Variants in ULK4 observed in about 807,000 individuals in gnomAD.
ULK4 encodes inactive serine/threonine-protein kinase ULK4.
Under a neutral mutation model 160.6 loss-of-function variants are expected in ULK4, and 133 were observed. The ratio of observed to expected loss-of-function variants is 0.83; its 90% CI spans 0.72 to 0.96. The LOEUF (loss-of-function observed/expected upper bound fraction) is 0.96. ULK4 is among the 40% of genes least tolerant of loss of function. ULK4 has a pLI of 0.00. For missense variants in ULK4, 1,580 were observed against 1,499.5 expected (o/e 1.05, Z -0.89); for synonymous variants, 534 against 539.8 (o/e 0.99, Z 0.15).
intron 31 of ULK4, among the ~76,000 whole-genome samples, chr3:41,580,238 C>T (rs1026118136): frequency 2.6e-5 from 4 of 152,078 alleles, no homozygotes; most frequent in African/African-American, 9.7e-5. Context: ...GGGTGCTGGT[C>T]TTTAGGAGAC....
chr3:41,450,146 C>T (rs1575236521), intron 34 of ULK4, among the ~76,000 whole-genome samples: 2 of 151,960 alleles, frequency 1.3e-5, no homozygotes, highest in Admixed American at 1.3e-4. Context: ...AAAAACTTAT[C>T]TAGAATATAT....
At chr3:41,720,177 C>T (rs917196107) in intron 22 of ULK4, among the ~76,000 whole-genome samples, 5 of 152,210 alleles carry the variant, frequency 3.3e-5, no homozygotes, top group African/African-American at 1.2e-4. Flanking sequence ...CTTAAAAATA[C>T]CTAAGGGCAA....
chr3:41,271,969 T>C (rs150522536), intron 35 of ULK4, among the ~76,000 whole-genome samples: 5,159 of 152,246 alleles, frequency 0.034, 134 homozygotes, highest in Non-Finnish European at 0.054. Context: ...CAGGCTGGAG[T>C]GCAGTGGCAT....
chr3:41,715,527 G>A lies in ULK4; in HGVS notation c.2497C>T (p.His833Tyr), dbSNP rs776834361. The change falls in exon 24 of 37, where the codon CAC (histidine) becomes TAC (tyrosine). Residue 833 changes from histidine to tyrosine, a missense_variant. Coordinates refer to ENST00000301831, the MANE Select transcript of ULK4 (RefSeq NM_017886.4). The part of the protein sequence containing the change: ...NSLANVSGRK[H>Y]PSTVQVKQLK... ...TGTTTCACTTGAACTGTTGATGGGT[G>A]TTTACGTCCAGAAACATTAGCCAAG... 5.6e-6 allele frequency: 9 copies of A among 1,614,120 alleles called. No individual in the cohort carries two copies. Among genetic ancestry groups the A allele is most frequent in the Non-Finnish European group, 7.6e-6 (9 of 1,179,994 alleles).
intron 30 of ULK4, among the ~76,000 whole-genome samples, chr3:41,655,434 G>A (rs560343454): frequency 3.1e-4 from 47 of 151,362 alleles, no homozygotes; most frequent in Admixed American, 4.0e-4. Flanking sequence ...GCTAAATGAC[G>A]AGTTAATGGG....
chr3:41,351,156 C>G (rs1043604509), intron 35 of ULK4, among the ~76,000 whole-genome samples: 1 of 152,026 alleles, frequency 6.6e-6, no homozygotes. Context: ...CAGCAAACTT[C>G]TGGGTAGCAC....
At chr3:41,824,988 G>A (rs1197155310) in intron 18 of ULK4, among the ~76,000 whole-genome samples, 4 of 152,216 alleles carry the variant, frequency 2.6e-5, no homozygotes, top group Non-Finnish European at 5.9e-5. Flanking sequence ...CAATCGGGCA[G>A]CAACATTTGC....
At chr3:41,652,088 A>G (rs1165441473) in intron 30 of ULK4, among the ~76,000 whole-genome samples, 6 of 152,256 alleles carry the variant, frequency 3.9e-5, no homozygotes, top group African/African-American at 1.4e-4. Flanking sequence ...GAACAGTCTC[A>G]GTGGACCCAA....
At chr3:41,594,940 C>A (rs2031592182) in intron 31 of ULK4, among the ~76,000 whole-genome samples, 1 of 152,018 alleles carries the variant, frequency 6.6e-6, no homozygotes, top group South Asian at 2.1e-4. Flanking sequence ...CGATCCCAGA[C>A]TGTATTATAT....
intron 31 of ULK4, among the ~76,000 whole-genome samples, chr3:41,585,181 GA>G (rs1312753129): frequency 6.6e-6 from 1 of 152,030 alleles, no homozygotes; most frequent in Non-Finnish European, 1.5e-5. Flanking sequence ...AAATTCATAT[GA>G]ATTCTCAAAA....
chr3:41,767,632 A>G (rs778262469), intron 21 of ULK4, among the ~76,000 whole-genome samples: 8 of 152,190 alleles, frequency 5.3e-5, no homozygotes, highest in Admixed American at 1.3e-4. Flanking sequence ...AGCCATGCAA[A>G]AAAAAAGAAT....
intron 22 of ULK4, among the ~76,000 whole-genome samples, chr3:41,719,144 C>G (rs2037370204): frequency 6.6e-6 from 1 of 152,234 alleles, no homozygotes; most frequent in African/African-American, 2.4e-5. Context: ...GTTCCTCTAT[C>G]ATAACCTCAT....
chr3:41,365,817 C>T (rs1394660277), intron 35 of ULK4, among the ~76,000 whole-genome samples: 1 of 151,734 alleles, frequency 6.6e-6, no homozygotes, highest in African/African-American at 2.4e-5. Flanking sequence ...AATGGAAAGA[C>T]AACTACATCA....
chr3:41,950,162 C>G (rs1700241616), intron 2 of ULK4, among the ~76,000 whole-genome samples: 1 of 151,948 alleles, frequency 6.6e-6, no homozygotes, highest in Non-Finnish European at 1.5e-5. Flanking sequence ...TCATGGCTCA[C>G]TGCGACCCCT....
intron 31 of ULK4, among the ~76,000 whole-genome samples, chr3:41,578,049 C>G (rs1231258751): frequency 1.3e-5 from 2 of 152,140 alleles, no homozygotes; most frequent in Admixed American, 1.3e-4. Context: ...GGGAATACCC[C>G]AACATAATGC....
chr3:41,621,596 T>G (rs1160147885), intron 30 of ULK4, among the ~76,000 whole-genome samples: 2 of 152,106 alleles, frequency 1.3e-5, no homozygotes, highest in East Asian at 3.9e-4. Flanking sequence ...TTCCTTACAC[T>G]TTATACAAAA....
At position 41,474,259 on chromosome 3, in the gene ULK4, C is replaced by T. The variant is rs181296189; in HGVS notation, c.3227-11006G>A. Among the ~76,000 whole-genome samples, 22 of 152,180 alleles carry T rather than the reference C, an allele frequency of 1.4e-4. 1 individual carries two copies. In the East Asian group the frequency reaches 3.7e-3, roughly 25 times the overall value. On this transcript the variant is annotated intron_variant, in intron 32 of 36. Transcript: ENST00000301831. ...GTATCAAGAACATATAATAGGGAAA[C>T]GACTGTCTCTTCAGTAAATGGTGCT...
In ULK4 at chr3:41,567,443, ATTTTTTTTT is replaced by A. The variant is rs71288055; in HGVS notation, c.3121-1322_3121-1314del. ...TCATTGAGAAGGTGTCACTTAACAG[ATTTTTTTTT>A]TTTTTTTTTTTTTTGAGATGGAGTC... On this transcript the variant is annotated intron_variant, in intron 31 of 36. Coordinates refer to ENST00000301831, the MANE Select transcript of ULK4 (RefSeq NM_017886.4). Among the ~76,000 whole-genome samples the A allele has an allele frequency of 2.1e-3, 190 of 90,308 alleles. 3 individuals are homozygous for A. The South Asian group carries it at 0.042, about 20-fold the overall frequency. 59.2% of individuals were successfully genotyped at this position (90,308 alleles called of 152,430 possible).
chr3:41,632,310 A>G (rs574923242), intron 30 of ULK4, among the ~76,000 whole-genome samples: 10 of 152,320 alleles, frequency 6.6e-5, no homozygotes, highest in African/African-American at 2.2e-4. Context: ...TAAAAAACAG[A>G]AATTCCATAT....
Sources: allele counts gnomAD v4.1 joint callset (sites outside exome capture counted in the v4.1 genomes callset), GRCh38; gene constraint gnomAD v4.1.1; transcripts MANE v1.5; gene names NCBI Gene and HGNC (gene_info 2026-07-23, HGNC 2026-07-21).